Variants in RBFOX3 observed in about 807,000 individuals in gnomAD.
RBFOX3 encodes RNA binding protein fox-1 homolog 3.
In RBFOX3, 17 loss-of-function variants were observed where a neutral mutation model predicts 48.7. The observed-to-expected ratio is 0.35, with a 90% confidence interval of 0.24 to 0.52. The LOEUF (loss-of-function observed/expected upper bound fraction) is 0.52, where lower values mean the gene tolerates loss of function less well. Ranked by LOEUF, RBFOX3 falls within the 20% of genes least tolerant of loss-of-function variation. RBFOX3 has a pLI of 0.94. For synonymous variants in RBFOX3, 212 were observed against 209.5 expected, an observed-to-expected ratio of 1.01 and a Z score of -0.10; for missense variants, 382 against 497.5, an observed-to-expected ratio of 0.77 and a Z score of 2.21.
intron 2 of RBFOX3, among the ~76,000 whole-genome samples, chr17:79,430,145 G>A (rs992821124): frequency 1.3e-5 from 2 of 152,258 alleles, no homozygotes; most frequent in African/African-American, 2.4e-5. Context: ...GCCAGCCGTC[G>A]CTTTGAAGAC....
At position 79,306,709 on chromosome 17, in the gene RBFOX3, C is replaced by T. The variant is rs570405734; in HGVS notation, c.-74+1015G>A. ...AGGTCCAGGGTGCCCTGCCTACCTC[C>T]CTCTCTTGGCTGCCCAGATACCAAC... is the stretch of plus-strand genomic sequence containing the variant. On this transcript the variant is annotated intron_variant, in intron 3 of 14. Transcript: ENST00000693108. 7.9e-5 allele frequency among the ~76,000 whole-genome samples: 12 copies of T among 152,286 alleles called. No homozygotes were observed. The South Asian group carries it at 2.3e-3, about 29-fold the overall frequency.
chr17:79,166,348 T>C (rs1464757996), intron 4 of RBFOX3, among the ~76,000 whole-genome samples: 2 of 152,160 alleles, frequency 1.3e-5, no homozygotes, highest in African/African-American at 4.8e-5. Context: ...CCAGGAGCTG[T>C]AGCCGCCCCG....
At chr17:79,386,963 A>G (rs1358787297) in intron 2 of RBFOX3, among the ~76,000 whole-genome samples, 2 of 152,248 alleles carry the variant, frequency 1.3e-5, no homozygotes, top group Non-Finnish European at 1.5e-5. Flanking sequence ...TGGAAGGTAG[A>G]TACCTGGAAG....
rs115050182 is a variant in RBFOX3 at position 79,414,193 on chromosome 17, C to T, written c.-175+68261G>A. Among the ~76,000 whole-genome samples the T allele has an allele frequency of 7.0e-3, 1,071 of 152,100 alleles. 17 individuals are homozygous for T. The highest frequency in any genetic ancestry group is 0.025 in the African/African-American group (1,020 of 41,468). On this transcript the variant is annotated intron_variant, in intron 2 of 14. Transcript: ENST00000693108. The stretch of plus-strand genomic sequence containing the variant: ...CACTCCTGTCCATATCAGGGACTTG[C>T]GGCAGCATTTTCTAATACAATGCAA...
chr17:79,176,712 C>G (rs564094609), intron 4 of RBFOX3, among the ~76,000 whole-genome samples: 23 of 151,674 alleles, frequency 1.5e-4, no homozygotes, highest in Non-Finnish European at 2.6e-4. Context: ...TGGAATCTTC[C>G]GGGAGGAAGT....
chr17:79,656,644 GAAGA>G, the RBFOX3 span, among the ~76,000 whole-genome samples: 1 of 139,868 alleles, frequency 7.1e-6, no homozygotes, highest in Non-Finnish European at 1.5e-5. Flanking sequence ...GAAAGGAAGA[GAAGA>G]AAGAAAGGAA....
chr17:79,286,241 C>G (rs767122735), intron 3 of RBFOX3, among the ~76,000 whole-genome samples: 4 of 152,154 alleles, frequency 2.6e-5, no homozygotes, highest in Non-Finnish European at 5.9e-5. Flanking sequence ...TAGTGGCCAC[C>G]TGGAACTTTC....
intron 1 of RBFOX3, among the ~76,000 whole-genome samples, chr17:79,490,697 C>T (rs2080353174): frequency 1.4e-5 from 2 of 148,100 alleles, no homozygotes; most frequent in South Asian, 4.4e-4. Context: ...ACACCACAGG[C>T]ACCTGTTGAG....
intron 3 of RBFOX3, among the ~76,000 whole-genome samples, chr17:79,294,654 A>G (rs56270395): frequency 0.33 from 50,198 of 151,970 alleles, 8,647 homozygotes; most frequent in African/African-American, 0.44. Flanking sequence ...GGAAGGCAGG[A>G]GTTCAGCACC....
intron 14 of RBFOX3, among the ~76,000 whole-genome samples, chr17:79,093,932 C>T (rs1599377384): frequency 1.3e-5 from 2 of 152,208 alleles, no homozygotes; most frequent in East Asian, 3.9e-4. Context: ...ACGCCAGGAG[C>T]CCCCAGGAAG....
chr17:79,340,591 G>A (rs909271158), intron 2 of RBFOX3, among the ~76,000 whole-genome samples: 1 of 152,140 alleles, frequency 6.6e-6, no homozygotes, highest in Admixed American at 6.6e-5. Flanking sequence ...ATTTGGGGGT[G>A]ATTAAAGGCA....
intron 3 of RBFOX3, among the ~76,000 whole-genome samples, chr17:79,295,419 C>T (rs899224284): frequency 6.6e-6 from 1 of 152,046 alleles, no homozygotes; most frequent in African/African-American, 2.4e-5. Flanking sequence ...GGTGAGGGAG[C>T]GAGGGAGGGA....
intron 2 of RBFOX3, among the ~76,000 whole-genome samples, chr17:79,447,962 G>T (rs1023236554): frequency 1.3e-5 from 2 of 152,126 alleles, no homozygotes; most frequent in African/African-American, 4.8e-5. Flanking sequence ...GACCCAGTTC[G>T]TTTGAAAGTG....
At chr17:79,606,544 A>G (rs2093834844) in intron 1 of RBFOX3, among the ~76,000 whole-genome samples, 1 of 152,202 alleles carries the variant, frequency 6.6e-6, no homozygotes, top group African/African-American at 2.4e-5. Flanking sequence ...ACTCTTTATT[A>G]TTCCAGCCTC....
the RBFOX3 span, among the ~76,000 whole-genome samples, chr17:79,655,136 T>C: frequency 2.6e-5 from 4 of 152,314 alleles, no homozygotes; most frequent in East Asian, 7.7e-4. Flanking sequence ...CAGTCCACTC[T>C]GCTGAGTGCT....
chr17:79,248,228 T>TTGTG (rs759051530), intron 3 of RBFOX3, among the ~76,000 whole-genome samples: 237 of 152,020 alleles, frequency 1.6e-3, no homozygotes, highest in Non-Finnish European at 2.1e-3. Context: ...TGGCTTTGTT[T>TTGTG]TGTGTGTGTG....
the RBFOX3 span, among the ~76,000 whole-genome samples, chr17:79,652,728 G>A: frequency 2.8e-5 from 4 of 142,436 alleles, no homozygotes; most frequent in Admixed American, 2.8e-4. Flanking sequence ...GTTAGGTAAT[G>A]AAGCCAGGAG....
chr17:79,326,441 G>A (rs1025710697), intron 2 of RBFOX3, among the ~76,000 whole-genome samples: 9 of 152,218 alleles, frequency 5.9e-5, no homozygotes, highest in Non-Finnish European at 4.4e-5. Flanking sequence ...ACAGGGGAAG[G>A]GAAGAGAGTG....
chr17:79,107,612 T>A (rs2077639179), intron 5 of RBFOX3, among the ~76,000 whole-genome samples: 1 of 152,186 alleles, frequency 6.6e-6, no homozygotes, highest in South Asian at 2.1e-4. Context: ...GTCCTGGCTG[T>A]ATCCACAGAG....
Sources: gnomAD v4.1 joint callset for allele counts (sites outside exome capture counted in the v4.1 genomes callset) on GRCh38, gnomAD v4.1.1 for gene constraint, MANE v1.5 for transcripts, NCBI Gene and HGNC (gene_info 2026-07-23, HGNC 2026-07-21) for gene names.